AP4E1: variants seen among roughly 807,000 people sequenced by gnomAD.
The protein encoded by AP4E1 is adaptor related protein complex 4 subunit epsilon 1.
Under a neutral mutation model 128.2 loss-of-function variants are expected in AP4E1, and 56 were observed. That is an observed-to-expected ratio of 0.44 (90% CI 0.35 to 0.55). The LOEUF is 0.55. AP4E1 is among the 20% of genes least tolerant of loss of function. The pLI is 0.00. For missense variants in AP4E1, 1,324 were observed against 1,307.7 expected (o/e 1.01, Z -0.19); for synonymous variants, 484 against 473.1 (o/e 1.02, Z -0.30).
At chr15:50,913,419 G>A (rs1367357241) in intron 2 of AP4E1, among the ~76,000 whole-genome samples, 3 of 152,190 alleles carry the variant, frequency 2.0e-5, no homozygotes, top group Non-Finnish European at 4.4e-5. Flanking sequence ...CTGAAGTTGG[G>A]CAGAACTAAG....
chr15:50,965,669 G>A (rs2064382222), intron 14 of AP4E1, among the ~76,000 whole-genome samples: 2 of 152,098 alleles, frequency 1.3e-5, no homozygotes, highest in African/African-American at 2.4e-5. Flanking sequence ...TCCACGTTTG[G>A]CTATCTTCTT....
intron 15 of AP4E1, among the ~76,000 whole-genome samples, chr15:50,976,849 A>T (rs1219177998): frequency 1.3e-5 from 2 of 152,250 alleles, no homozygotes; most frequent in Non-Finnish European, 1.5e-5. Flanking sequence ...AAAACCACTG[A>T]ACGTTAATGA....
At chr15:50,974,938 G>T (rs1567248877) in intron 15 of AP4E1, among the ~76,000 whole-genome samples, 1 of 151,574 alleles carries the variant, frequency 6.6e-6, no homozygotes, top group Non-Finnish European at 1.5e-5. Context: ...CCAGAAATGT[G>T]GTTTGCAAAT....
chr15:50,914,577 G>T (rs987810741), intron 2 of AP4E1, among the ~76,000 whole-genome samples: 7 of 149,434 alleles, frequency 4.7e-5, no homozygotes, highest in African/African-American at 1.5e-4. Flanking sequence ...CTTGAACGTG[G>T]TAGGTGGAGG....
At chr15:50,939,045 G>A (rs1263888194) in intron 8 of AP4E1, among the ~76,000 whole-genome samples, 4 of 152,230 alleles carry the variant, frequency 2.6e-5, no homozygotes, top group Non-Finnish European at 1.5e-5. Context: ...TGAAACTGCA[G>A]TGTCATAAAT....
chr15:50,997,979 C>A (rs1292032981), intron 18 of AP4E1, 96 bp downstream of exon 18: 13 of 942,824 alleles, frequency 1.4e-5, no homozygotes, highest in Non-Finnish European at 1.9e-5. Flanking sequence ...TTGTCATAAA[C>A]ACTAAAACGA....
At chr15:50,985,670 A>G (rs557057891) in intron 16 of AP4E1, among the ~76,000 whole-genome samples, 2 of 152,128 alleles carry the variant, frequency 1.3e-5, no homozygotes, top group South Asian at 2.1e-4. Context: ...ATTGGTCTAT[A>G]TCTCTGTTTT....
At chr15:50,945,891 G>A in intron 10 of AP4E1, 1 of 1,028,210 alleles carries the variant, frequency 9.7e-7, no homozygotes, top group Non-Finnish European at 1.5e-6. Context: ...AGTGCATCAT[G>A]AAAGAAGCTC....
chr15:50,930,192 C>T (rs373769278), intron 6 of AP4E1, among the ~76,000 whole-genome samples: 27 of 142,802 alleles, frequency 1.9e-4, no homozygotes, highest in East Asian at 1.2e-3. Context: ...CTCAGCCTCT[C>T]GAGTAGCTGG....
intron 3 of AP4E1, among the ~76,000 whole-genome samples, chr15:50,922,940 G>T (rs1467024213): frequency 6.6e-6 from 1 of 152,046 alleles, no homozygotes; most frequent in East Asian, 1.9e-4. Flanking sequence ...ACCACGCCTG[G>T]CTAATTTTTT....
chr15:50,988,064 C>G (rs2064753044), intron 16 of AP4E1, among the ~76,000 whole-genome samples: 1 of 151,934 alleles, frequency 6.6e-6, no homozygotes, highest in Non-Finnish European at 1.5e-5. Flanking sequence ...TATCTTGTAA[C>G]CGTCTCATTG....
rs373566487 is a variant in AP4E1 at position 50,915,568 on chromosome 15, G to A, written c.343G>A (p.Val115Ile). The change falls in exon 3 of 21, where the codon GTA becomes ATA. Residue 115 changes from valine to isoleucine, a missense_variant. Physicochemically the swap from Val to Ile is conservative, Grantham distance 29. Coordinates refer to ENST00000261842, the MANE Select transcript of AP4E1 (RefSeq NM_007347.5). ...ACAAGGAAACCTCTTAGAAAAAAGA[G>A]TAGGTATGTATGTGTTTTAAGACTT... ...AQQGNLLEKR[V>I]GYLAVSLFLH... 2.1e-5 allele frequency: 34 copies of A among 1,613,424 alleles called. No individual in the cohort carries two copies. Among genetic ancestry groups the A allele is most frequent in the African/African-American group, 2.7e-5 (2 of 74,918 alleles).
chr15:50,934,440 A>G (rs1028380999), intron 7 of AP4E1, 184 bp from the exon 8 acceptor site: 3 of 511,146 alleles, frequency 5.9e-6, no homozygotes, highest in African/African-American at 1.9e-5. Context: ...TTGATAAAGT[A>G]GGAAGTTCAA....
intron 13 of AP4E1, among the ~76,000 whole-genome samples, chr15:50,950,815 C>T (rs1213516068): frequency 1.3e-5 from 2 of 152,082 alleles, no homozygotes; most frequent in Non-Finnish European, 2.9e-5. Context: ...TGTTCCCCTC[C>T]GTGTGTCCTA....
At chr15:50,987,970 A>G (rs540643885) in intron 16 of AP4E1, among the ~76,000 whole-genome samples, 109 of 152,268 alleles carry the variant, frequency 7.2e-4, no homozygotes, top group African/African-American at 2.5e-3. Context: ...TATTATATAT[A>G]TATATTTAGA....
intron 17 of AP4E1, 30 bp from the exon 18 acceptor site, chr15:50,997,291 ATTTCT>A: frequency 6.6e-7 from 1 of 1,525,854 alleles, no homozygotes; most frequent in Non-Finnish European, 8.8e-7. Flanking sequence ...TAGTAGAATG[ATTTCT>A]TTTTATATTA....
At chr15:50,909,018 T>G (rs1459001800) in intron 1 of AP4E1, 90 bp downstream of exon 1, 1 of 1,568,178 alleles carries the variant, frequency 6.4e-7, no homozygotes, top group African/African-American at 1.3e-5. Flanking sequence ...CTTCAGGGCC[T>G]CTGGGGTTAG....
At chr15:50,992,939 C>G (rs2064823733) in intron 16 of AP4E1, among the ~76,000 whole-genome samples, 1 of 152,102 alleles carries the variant, frequency 6.6e-6, no homozygotes, top group South Asian at 2.1e-4. Context: ...TTGCTTTTAA[C>G]AGGATTTTAC....
In AP4E1 at chr15:51,003,141, G is replaced by A. The variant is rs2140941805; in HGVS notation, c.*479G>A. The A allele has an allele frequency of 1.6e-5, 3 of 192,284 alleles. 1 individual carries two copies. In the East Asian group the frequency reaches 4.2e-4, roughly 27 times the overall value. The allele number at this position is 192,284 out of a possible 1,614,324, so 11.9% of individuals were successfully genotyped here. Reference sequence around the variant, plus strand: ...TAGGGAAGTCAATATTTTCGATTATGTTTTGCTTAGATCAGTGTTGAACTA... The same window carrying A: ...TAGGGAAGTCAATATTTTCGATTATATTTTGCTTAGATCAGTGTTGAACTA... On this transcript the variant is annotated 3_prime_UTR_variant, in exon 21 of 21. Transcript: ENST00000261842.
Sources: allele counts gnomAD v4.1 joint callset (sites outside exome capture counted in the v4.1 genomes callset), GRCh38; gene constraint gnomAD v4.1.1; transcripts MANE v1.5; gene names NCBI Gene and HGNC (gene_info 2026-07-23, HGNC 2026-07-21).